LGR4: variants seen among roughly 807,000 people sequenced by gnomAD.
The protein encoded by LGR4 is leucine-rich repeat-containing G protein-coupled receptor 4.
Under a neutral mutation model 84.8 loss-of-function variants are expected in LGR4, and 44 were observed. The ratio of observed to expected loss-of-function variants is 0.52; its 90% CI spans 0.41 to 0.67. The LOEUF is 0.67. LGR4 is among the 30% of genes least tolerant of loss of function. The pLI, the probability that LGR4 is intolerant of heterozygous loss-of-function variation, is 0.00. For synonymous variants in LGR4, 429 were observed against 434.3 expected, an observed-to-expected ratio of 0.99 and a Z score of 0.15; for missense variants, 1,032 against 1,131.4, an observed-to-expected ratio of 0.91 and a Z score of 1.26.
chr11:27,434,570 T>C (rs1176547969), intron 1 of LGR4, among the ~76,000 whole-genome samples: 1 of 152,170 alleles, frequency 6.6e-6, no homozygotes, highest in African/African-American at 2.4e-5. Flanking sequence ...ACTGTTAATG[T>C]CTTGAGCTGT....
chr11:27,453,020 T>C (rs896580071), intron 1 of LGR4, among the ~76,000 whole-genome samples: 4 of 152,176 alleles, frequency 2.6e-5, no homozygotes, highest in Admixed American at 1.3e-4. Context: ...TTAATGTTCC[T>C]ACATGCACAG....
chr11:27,468,277 T>C lies in LGR4; in HGVS notation c.185+3841A>G, dbSNP rs552403217. Among the ~76,000 whole-genome samples the C allele has an allele frequency of 2.6e-5, 4 of 152,314 alleles. No homozygotes were observed. In the South Asian group the frequency reaches 8.3e-4, roughly 32 times the overall value. On this transcript the variant is annotated intron_variant, in intron 1 of 17. Transcript: ENST00000379214. ...TGAAGGTTTGAGAGATTATGACTAATTATATGGAAGTGAGGATGTTGAGTA... is the reference window on the plus strand; with the variant it reads ...TGAAGGTTTGAGAGATTATGACTAACTATATGGAAGTGAGGATGTTGAGTA...
intron 1 of LGR4, among the ~76,000 whole-genome samples, chr11:27,451,550 T>C (rs111331714): frequency 1.8e-3 from 269 of 152,288 alleles, no homozygotes; most frequent in African/African-American, 6.3e-3. Context: ...CAAGTGTAAA[T>C]GGTGACAAAG....
At chr11:27,462,878 GA>G (rs1297203715) in intron 1 of LGR4, among the ~76,000 whole-genome samples, 1 of 151,334 alleles carries the variant, frequency 6.6e-6, no homozygotes, top group African/African-American at 2.4e-5. Context: ...TTAAAAAAAA[GA>G]AAAAGAAAGG....
intron 1 of LGR4, among the ~76,000 whole-genome samples, chr11:27,448,998 T>C (rs1307935713): frequency 6.6e-6 from 1 of 152,212 alleles, no homozygotes; most frequent in African/African-American, 2.4e-5. Flanking sequence ...TATGGAAGTA[T>C]GCAAATGGGA....
chr11:27,431,827 C>T (rs917937441), intron 1 of LGR4, among the ~76,000 whole-genome samples: 5 of 152,188 alleles, frequency 3.3e-5, no homozygotes. Context: ...AGTTCAAATC[C>T]AAGTTCTACC....
At chr11:27,425,747 G>C (rs1864012859) in intron 1 of LGR4, among the ~76,000 whole-genome samples, 2 of 152,294 alleles carry the variant, frequency 1.3e-5, no homozygotes, top group South Asian at 2.1e-4. Flanking sequence ...GGTTGTGATG[G>C]GAAGAGGTGG....
intron 16 of LGR4, among the ~76,000 whole-genome samples, chr11:27,372,062 A>AG (rs1401246801): frequency 6.6e-6 from 1 of 152,042 alleles, no homozygotes; most frequent in Non-Finnish European, 1.5e-5. Flanking sequence ...AGAGAGTCTC[A>AG]CTTTGTTGCC....
At chr11:27,369,180 A>G in intron 17 of LGR4, 37 bp from the exon 18 acceptor site, 1 of 1,471,154 alleles carries the variant, frequency 6.8e-7, no homozygotes, top group Non-Finnish European at 9.1e-7. Flanking sequence ...GAAATAAAAG[A>G]TAACTTAGAA....
Position 27,421,629 on chromosome 11 carries a change from A to C in LGR4, c.186-8769T>G, listed in dbSNP as rs540900422. Reference sequence around the variant, plus strand: ...TGTGTGGCTTAAATTACAAATTCTTAAAAGGGTAACTAAAAAATAAAACTA... The same window carrying C: ...TGTGTGGCTTAAATTACAAATTCTTCAAAGGGTAACTAAAAAATAAAACTA... On this transcript the variant is annotated intron_variant, in intron 1 of 17. Coordinates refer to ENST00000379214, the MANE Select transcript of LGR4 (RefSeq NM_018490.5). Among the ~76,000 whole-genome samples the C allele has an allele frequency of 8.7e-4, 133 of 152,348 alleles. 1 individual carries two copies. The highest frequency in any genetic ancestry group is 3.1e-3 in the African/African-American group (130 of 41,584).
At chr11:27,464,922 A>G (rs1241584968) in intron 1 of LGR4, among the ~76,000 whole-genome samples, 1 of 152,182 alleles carries the variant, frequency 6.6e-6, no homozygotes, top group African/African-American at 2.4e-5. Flanking sequence ...CCTAGTGTCA[A>G]TCTAGAAAAC....
chr11:27,446,677 A>C (rs1864395661), intron 1 of LGR4, among the ~76,000 whole-genome samples: 1 of 152,236 alleles, frequency 6.6e-6, no homozygotes. Flanking sequence ...CAGCCATCCC[A>C]TTACTGGGTA....
At chr11:27,424,644 A>G (rs940807766) in intron 1 of LGR4, among the ~76,000 whole-genome samples, 6 of 152,238 alleles carry the variant, frequency 3.9e-5, no homozygotes, top group Admixed American at 6.5e-5. Context: ...AGAAGGCCAC[A>G]TCACAGAGGG....
chr11:27,439,356 T>C (rs1864262349), intron 1 of LGR4, among the ~76,000 whole-genome samples: 1 of 152,232 alleles, frequency 6.6e-6, no homozygotes, highest in Non-Finnish European at 1.5e-5. Flanking sequence ...ACTTAGCATG[T>C]CTTCAAAGTT....
intron 1 of LGR4, among the ~76,000 whole-genome samples, chr11:27,467,661 G>A (rs1350237718): frequency 1.3e-5 from 2 of 152,018 alleles, no homozygotes; most frequent in Non-Finnish European, 2.9e-5. Flanking sequence ...ATTTACAGAT[G>A]AGGAAAATAA....
intron 3 of LGR4, among the ~76,000 whole-genome samples, chr11:27,391,548 T>C (rs1304017397): frequency 6.6e-6 from 1 of 152,166 alleles, no homozygotes; most frequent in Non-Finnish European, 1.5e-5. Flanking sequence ...TCCGTTGGAA[T>C]TCCTAATGCC....
At chr11:27,456,638 G>A (rs1259762846) in intron 1 of LGR4, among the ~76,000 whole-genome samples, 1 of 152,142 alleles carries the variant, frequency 6.6e-6, no homozygotes, top group Non-Finnish European at 1.5e-5. Context: ...TGTAAGTGAA[G>A]TCCACGGAAG....
At position 27,385,358 on chromosome 11, in the gene LGR4, T is replaced by TG; in HGVS notation, c.511dup (p.His171ProfsTer24). On this transcript the variant is annotated frameshift_variant, in exon 5 of 18. Transcript: ENST00000379214. LOFTEE classifies it high-confidence loss of function. ...TAGGGTGGGCAGATTGCTGAGGGGG[T>TG]GCACAGGCACCTCCGTCAAGCTGTT... 6.2e-7 allele frequency: 1 copy of TG among 1,612,174 alleles called. No individual in the cohort carries two copies. The highest frequency in any genetic ancestry group is 8.5e-7 in the Non-Finnish European group (1 of 1,179,316).
At position 27,368,840 on chromosome 11, in the gene LGR4, G is replaced by A. The variant is rs778668653; in HGVS notation, c.1883C>T (p.Ser628Phe). Reference sequence around the variant, plus strand: ...TAATAAAAATATGGCACTTTCTGAGGAGAAAACTGCAAGAAACCCAGCTAC... The same window carrying A: ...TAATAAAAATATGGCACTTTCTGAGAAGAAAACTGCAAGAAACCCAGCTAC... ...CKVAGFLAVF[S>F]SESAIFLLML... Residue 628 changes from serine to phenylalanine, a missense_variant, in exon 18 of 18, where the codon TCC (serine) becomes TTC (phenylalanine). Coordinates refer to ENST00000379214, the MANE Select transcript of LGR4 (RefSeq NM_018490.5). The A allele has an allele frequency of 1.9e-6, 3 of 1,614,096 alleles. No homozygotes were observed. Among genetic ancestry groups the A allele is most frequent in the South Asian group, 2.2e-5 (2 of 91,082 alleles).
Sources: allele counts gnomAD v4.1 joint callset (sites outside exome capture counted in the v4.1 genomes callset), GRCh38; gene constraint gnomAD v4.1.1; transcripts MANE v1.5; gene names NCBI Gene and HGNC (gene_info 2026-07-23, HGNC 2026-07-21).